Variants in ICA1 observed in about 807,000 individuals in gnomAD.
ICA1 encodes islet cell autoantigen 1, also known as 69 kDa islet cell autoantigen.
In ICA1, 40 loss-of-function variants were observed where a neutral mutation model predicts 71.0. That is an observed-to-expected ratio of 0.56 (90% CI 0.44 to 0.73). The LOEUF (loss-of-function observed/expected upper bound fraction) is 0.73, where lower values mean the gene tolerates loss of function less well. Ranked by LOEUF, ICA1 falls within the 30% of genes least tolerant of loss-of-function variation. The probability of loss-of-function intolerance (pLI) is 0.00; values close to 1 mark genes in which losing one functional copy is unlikely to be tolerated. For missense variants in ICA1, 578 were observed against 576.5 expected, an observed-to-expected ratio of 1.00 and a Z score of -0.03; for synonymous variants, 207 against 209.5, an observed-to-expected ratio of 0.99 and a Z score of 0.10.
At chr7:8,230,948 T>C (rs1338341795) in intron 3 of ICA1, among the ~76,000 whole-genome samples, 2 of 152,150 alleles carry the variant, frequency 1.3e-5, no homozygotes, top group African/African-American at 2.4e-5. Flanking sequence ...ACGTCGTGAA[T>C]AGGCTAACAT....
At chr7:8,162,523 T>C (rs910642497) in intron 6 of ICA1, among the ~76,000 whole-genome samples, 2 of 152,190 alleles carry the variant, frequency 1.3e-5, no homozygotes, top group East Asian at 3.8e-4. Context: ...TAGCCAAGCA[T>C]AGGCCACTAT....
intron 6 of ICA1, among the ~76,000 whole-genome samples, chr7:8,200,519 A>G (rs2128328257): frequency 6.6e-6 from 1 of 152,246 alleles, no homozygotes; most frequent in Admixed American, 6.5e-5. Context: ...TGGGGGACGC[A>G]ATCATGAAGG....
chr7:8,129,029 CTT>C (rs1790415500), intron 12 of ICA1, among the ~76,000 whole-genome samples: 1 of 152,158 alleles, frequency 6.6e-6, no homozygotes, highest in South Asian at 2.1e-4. Flanking sequence ...AGAAGGAAGG[CTT>C]TAAAGAAGGC....
chr7:8,193,179 G>C (rs1786289328), intron 6 of ICA1, among the ~76,000 whole-genome samples: 1 of 152,114 alleles, frequency 6.6e-6, no homozygotes, highest in African/African-American at 2.4e-5. Flanking sequence ...AGTACTCTCA[G>C]ACACAACACA....
chr7:8,180,665 T>G (rs1460720594), intron 6 of ICA1, among the ~76,000 whole-genome samples: 2 of 152,158 alleles, frequency 1.3e-5, no homozygotes, highest in African/African-American at 4.8e-5. Flanking sequence ...GTCAGTCCTT[T>G]AAATTTTAGC....
chr7:8,121,409 G>C (rs910719032), intron 13 of ICA1, among the ~76,000 whole-genome samples: 1 of 152,148 alleles, frequency 6.6e-6, no homozygotes, highest in African/African-American at 2.4e-5. Flanking sequence ...TAGAGCAAGA[G>C]ACAGAAAATG....
In ICA1 at chr7:8,222,090, T is replaced by C. The variant is rs1797287340; in HGVS notation, c.257-692A>G. Among the ~76,000 whole-genome samples the C allele has an allele frequency of 6.6e-6, 1 of 152,150 alleles. No homozygotes were observed. Among genetic ancestry groups the C allele is most frequent in the African/African-American group, 2.4e-5 (1 of 41,424 alleles). ...GATTTGACGGTAAACATTTAAAAAATCATAGAATTACATGTATCTTTGGAC... is the reference window on the plus strand; with the variant it reads ...GATTTGACGGTAAACATTTAAAAAACCATAGAATTACATGTATCTTTGGAC... On this transcript the variant is annotated intron_variant, in intron 4 of 13. Transcript: ENST00000402384. This position sits in a 1 kb window ranked among gnomAD's most constrained non-coding sequence, Gnocchi z 4.8.
chr7:8,134,339 G>C (rs1792566477), intron 12 of ICA1, among the ~76,000 whole-genome samples: 1 of 152,182 alleles, frequency 6.6e-6, no homozygotes, highest in African/African-American at 2.4e-5. Context: ...CACGGTGTGG[G>C]AAATTGGTGA....
intron 8 of ICA1, among the ~76,000 whole-genome samples, chr7:8,154,183 G>C (rs576829917): frequency 1.3e-5 from 2 of 152,166 alleles, no homozygotes; most frequent in East Asian, 3.9e-4. Flanking sequence ...TATCACAACA[G>C]TCACTTGGAT....
chr7:8,179,550 C>T (rs1046122934), intron 6 of ICA1, among the ~76,000 whole-genome samples: 7 of 152,178 alleles, frequency 4.6e-5, no homozygotes, highest in African/African-American at 4.8e-5. Flanking sequence ...TAACAACTAT[C>T]GAACGGTTTT....
intron 2 of ICA1, 144 bp from the exon 3 acceptor site, chr7:8,232,899 G>T: frequency 4.6e-6 from 3 of 652,662 alleles, no homozygotes; most frequent in African/African-American, 1.9e-5. Flanking sequence ...TTCTTATCTG[G>T]GTGTTACACC....
At chr7:8,134,668 A>G (rs1792719782) in intron 12 of ICA1, among the ~76,000 whole-genome samples, 1 of 152,198 alleles carries the variant, frequency 6.6e-6, no homozygotes, top group African/African-American at 2.4e-5. Flanking sequence ...GATAGGGAGG[A>G]AAACACCTTA....
At chr7:8,243,595 C>A (rs898912482) in intron 1 of ICA1, among the ~76,000 whole-genome samples, 1 of 151,996 alleles carries the variant, frequency 6.6e-6, no homozygotes, top group African/African-American at 2.4e-5. Context: ...AGCAATAAAG[C>A]ATATTCAATT....
At chr7:8,235,842 G>C in intron 2 of ICA1, 68 bp downstream of exon 2, 2 of 1,474,552 alleles carry the variant, frequency 1.4e-6, no homozygotes, top group Non-Finnish European at 1.9e-6. Flanking sequence ...CCATTCAATA[G>C]ATGTTTATTG....
chr7:8,215,633 C>A (rs1400252665), intron 6 of ICA1, among the ~76,000 whole-genome samples: 2 of 152,046 alleles, frequency 1.3e-5, no homozygotes, highest in Non-Finnish European at 2.9e-5. Flanking sequence ...GTTGAATGGA[C>A]AAATAAATGA....
chr7:8,210,256 C>A (rs1489519095), intron 6 of ICA1, among the ~76,000 whole-genome samples: 2 of 152,178 alleles, frequency 1.3e-5, no homozygotes, highest in Non-Finnish European at 2.9e-5. Flanking sequence ...CAAGAGGCCT[C>A]CTGCATGTGG....
At chr7:8,224,729 T>C (rs1798103027) in intron 4 of ICA1, among the ~76,000 whole-genome samples, 1 of 152,224 alleles carries the variant, frequency 6.6e-6, no homozygotes, top group Non-Finnish European at 1.5e-5. Context: ...ATCTAGGGTC[T>C]CACCTGGCAC....
intron 6 of ICA1, among the ~76,000 whole-genome samples, chr7:8,200,985 A>C (rs543814038): frequency 2.6e-5 from 4 of 152,342 alleles, no homozygotes; most frequent in African/African-American, 9.6e-5. Context: ...AAAACCCCAC[A>C]AATTTCATTT....
intron 12 of ICA1, among the ~76,000 whole-genome samples, chr7:8,128,514 C>T (rs141660929): frequency 5.9e-4 from 90 of 152,326 alleles, no homozygotes; most frequent in East Asian, 1.9e-3. Flanking sequence ...AATCTTCCCA[C>T]GCAAGCCCTC....
Sources: gnomAD v4.1 joint callset for allele counts (sites outside exome capture counted in the v4.1 genomes callset) on GRCh38, gnomAD v4.1.1 for gene constraint, Gnocchi (gnomAD v3.1) non-coding constraint, MANE v1.5 for transcripts, NCBI Gene and HGNC (gene_info 2026-07-23, HGNC 2026-07-21) for gene names.